The following TRHDE variants were observed in gnomAD, a reference collection of about 807,000 sequenced individuals.
TRHDE encodes the protein thyrotropin-releasing hormone-degrading ectoenzyme.
Under a neutral mutation model 125.7 loss-of-function variants are expected in TRHDE, and 72 were observed. That is an observed-to-expected ratio of 0.57 (90% CI 0.47 to 0.70). The LOEUF is 0.70. Among genes scored for constraint, TRHDE ranks in the 30% least tolerant of loss-of-function variants. The probability of loss-of-function intolerance (pLI) is 0.00; values close to 1 mark genes in which losing one functional copy is unlikely to be tolerated. For synonymous variants in TRHDE, 509 were observed against 509.1 expected, an observed-to-expected ratio of 1.00 and a Z score of 0.00; for missense variants, 1,110 against 1,327.1, an observed-to-expected ratio of 0.84 and a Z score of 2.54.
At chr12:72,176,795 A>T (rs926660080) in intron 2 of TRHDE, among the ~76,000 whole-genome samples, 1 of 152,224 alleles carries the variant, frequency 6.6e-6, no homozygotes, top group East Asian at 1.9e-4. Context: ...GTTACTTCTC[A>T]TTTAAAGATA....
At chr12:72,618,551 G>A (rs1381028109) in intron 12 of TRHDE, among the ~76,000 whole-genome samples, 1 of 152,014 alleles carries the variant, frequency 6.6e-6, no homozygotes, top group African/African-American at 2.4e-5. Context: ...ACATTTCAGT[G>A]ATCAATTATT....
intron 3 of TRHDE, 40 bp downstream of exon 3, chr12:72,378,161 G>C (rs1415556740): frequency 6.6e-7 from 1 of 1,524,900 alleles, no homozygotes; most frequent in Non-Finnish European, 8.8e-7. Flanking sequence ...AGGGCTCCTT[G>C]AAAGTGGAAT....
intron 9 of TRHDE, among the ~76,000 whole-genome samples, chr12:72,567,575 T>C (rs1870508354): frequency 6.6e-6 from 1 of 152,048 alleles, no homozygotes; most frequent in Non-Finnish European, 1.5e-5. Context: ...ATAATGTTTA[T>C]TATCCCCAGG....
At chr12:72,622,744 A>AAT (rs1873105118) in intron 15 of TRHDE, among the ~76,000 whole-genome samples, 1 of 152,038 alleles carries the variant, frequency 6.6e-6, no homozygotes, top group Non-Finnish European at 1.5e-5. Flanking sequence ...GTTTAGATTT[A>AAT]ATATCTAACT....
intron 2 of TRHDE, among the ~76,000 whole-genome samples, chr12:72,326,390 A>T (rs899200399): frequency 1.3e-5 from 2 of 152,028 alleles, no homozygotes; most frequent in Non-Finnish European, 2.9e-5. Context: ...CACACACTGG[A>T]GCCTGTTGAG....
chr12:72,391,404 G>T (rs1872606193), intron 3 of TRHDE, among the ~76,000 whole-genome samples: 1 of 152,070 alleles, frequency 6.6e-6, no homozygotes, highest in South Asian at 2.1e-4. Context: ...CTTTTTAAAG[G>T]GTGATTTTGA....
intron 2 of TRHDE, among the ~76,000 whole-genome samples, chr12:72,240,305 T>TTTTATA (rs1270804569): frequency 1.8e-5 from 2 of 111,362 alleles, no homozygotes; most frequent in African/African-American, 2.7e-5. Flanking sequence ...TTCTCACATT[T>TTTTATA]TATATATATA....
At chr12:72,599,749 G>C (rs756765450) in intron 12 of TRHDE, among the ~76,000 whole-genome samples, 3 of 151,982 alleles carry the variant, frequency 2.0e-5, no homozygotes, top group South Asian at 2.1e-4. Flanking sequence ...TTCTATTTTT[G>C]TTGCAATTGA....
At chr12:72,156,900 T>A (rs1406681885) in intron 2 of TRHDE, among the ~76,000 whole-genome samples, 2 of 152,178 alleles carry the variant, frequency 1.3e-5, no homozygotes, top group African/African-American at 4.8e-5. Context: ...CATTCTAGCA[T>A]CACATAATAG....
At chr12:72,239,188 T>C (rs1293127431) in intron 2 of TRHDE, among the ~76,000 whole-genome samples, 1 of 152,166 alleles carries the variant, frequency 6.6e-6, no homozygotes, top group African/African-American at 2.4e-5. Flanking sequence ...CATAAATGTC[T>C]TCTTTTGAGA....
At chr12:72,526,681 A>G (rs1208236875) in intron 6 of TRHDE, among the ~76,000 whole-genome samples, 3 of 152,138 alleles carry the variant, frequency 2.0e-5, no homozygotes, top group Non-Finnish European at 2.9e-5. Context: ...ACTTTCATTA[A>G]GGATATACTT....
At chr12:72,089,591 C>T (rs545492519) in intron 1 of TRHDE, among the ~76,000 whole-genome samples, 1 of 152,276 alleles carries the variant, frequency 6.6e-6, no homozygotes, top group South Asian at 2.1e-4. Flanking sequence ...GTTTCCTCAT[C>T]TTCAAATATT....
At chr12:72,105,973 A>G (rs1441010023) in intron 2 of TRHDE, among the ~76,000 whole-genome samples, 2 of 152,098 alleles carry the variant, frequency 1.3e-5, no homozygotes, top group Non-Finnish European at 2.9e-5. Flanking sequence ...AGATCAGACT[A>G]GAGTTAAGAG....
At chr12:72,145,871 A>G (rs1055012339) in intron 2 of TRHDE, among the ~76,000 whole-genome samples, 8 of 152,152 alleles carry the variant, frequency 5.3e-5, no homozygotes, top group African/African-American at 1.9e-4. Context: ...ACATGATAAA[A>G]CATGATTTTT....
Position 72,473,222 on chromosome 12 carries a change from G to A in TRHDE, c.1584+42G>A, listed in dbSNP as rs139377080. ...TATTTGAAACTTTTAGTAAAAGGCC[G>A]ATCTAGTGTTACATTAGGCTTATAC... On this transcript the variant is annotated intron_variant, in intron 5 of 18. Coordinates refer to ENST00000261180, the MANE Select transcript of TRHDE (RefSeq NM_013381.3). 7.1e-5 allele frequency: 105 copies of A among 1,477,116 alleles called. 1 individual carries two copies. The East Asian group carries it at 1.6e-3, about 22-fold the overall frequency. The allele number at this position is 1,477,116 out of a possible 1,614,324, so 91.5% of individuals were successfully genotyped here. A position where few individuals can be genotyped will look rare whatever the true frequency, so the allele number is the denominator to read the frequency against.
chr12:72,521,561 TAC>T (rs1325594679), intron 6 of TRHDE, among the ~76,000 whole-genome samples: 1 of 152,214 alleles, frequency 6.6e-6, no homozygotes, highest in African/African-American at 2.4e-5. Flanking sequence ...GCTGTCATTT[TAC>T]AATAGGATGC....
At chr12:72,545,480 T>G (rs1224202628) in intron 7 of TRHDE, among the ~76,000 whole-genome samples, 2 of 151,632 alleles carry the variant, frequency 1.3e-5, no homozygotes, top group African/African-American at 4.8e-5. Context: ...TTAATGCAGT[T>G]TACTAGTTAG....
At chr12:72,093,833 T>C (rs922965734) in intron 1 of TRHDE, among the ~76,000 whole-genome samples, 13 of 151,540 alleles carry the variant, frequency 8.6e-5, no homozygotes, top group Non-Finnish European at 1.6e-4. Context: ...TCTCCTTTTC[T>C]TTGGGGTCAG....
intron 7 of TRHDE, among the ~76,000 whole-genome samples, chr12:72,558,829 C>T (rs1181297410): frequency 6.6e-6 from 1 of 152,004 alleles, no homozygotes; most frequent in Non-Finnish European, 1.5e-5. Flanking sequence ...CCAAAAGGAG[C>T]CAATATAGGG....
Sources: gnomAD v4.1 joint callset for allele counts (sites outside exome capture counted in the v4.1 genomes callset) on GRCh38, gnomAD v4.1.1 for gene constraint, MANE v1.5 for transcripts, NCBI Gene and HGNC (gene_info 2026-07-23, HGNC 2026-07-21) for gene names.